The following PTPRC variants were observed in gnomAD, a reference collection of about 807,000 sequenced individuals.
The protein encoded by PTPRC is protein tyrosine phosphatase receptor type C.
Under a neutral mutation model 155.9 loss-of-function variants are expected in PTPRC, and 44 were observed. The observed-to-expected ratio is 0.28, with a 90% CI of 0.22 to 0.36. The LOEUF (loss-of-function observed/expected upper bound fraction) is 0.36, where lower values mean the gene tolerates loss of function less well. Ranked by LOEUF, PTPRC falls within the 10% of genes least tolerant of loss-of-function variation. The pLI is 1.00. For synonymous variants in PTPRC, 525 were observed against 533.1 expected (o/e 0.98, Z 0.21); for missense variants, 1,401 against 1,564.6 (o/e 0.90, Z 1.76).
At chr1:198,652,084 T>C (rs1310173874) in intron 2 of PTPRC, among the ~76,000 whole-genome samples, 1 of 151,870 alleles carries the variant, frequency 6.6e-6, no homozygotes, top group African/African-American at 2.4e-5. Flanking sequence ...TATGATATTT[T>C]GCTTAAGTTG....
intron 2 of PTPRC, among the ~76,000 whole-genome samples, chr1:198,685,178 ATAT>A (rs1665551370): frequency 6.6e-6 from 1 of 151,912 alleles, no homozygotes; most frequent in African/African-American, 2.4e-5. Flanking sequence ...TCCAAAAATA[ATAT>A]TAATATACCC....
intron 11 of PTPRC, among the ~76,000 whole-genome samples, chr1:198,712,052 T>A (rs1653338534): frequency 6.6e-6 from 1 of 152,222 alleles, no homozygotes; most frequent in African/African-American, 2.4e-5. Context: ...ACAAAGCAGA[T>A]GCATTCATAG....
intron 14 of PTPRC, among the ~76,000 whole-genome samples, chr1:198,719,920 T>A (rs927617388): frequency 6.6e-6 from 1 of 152,202 alleles, no homozygotes; most frequent in Non-Finnish European, 1.5e-5. Flanking sequence ...CCATATTCTT[T>A]ATCACTTAAA....
intron 2 of PTPRC, among the ~76,000 whole-genome samples, chr1:198,658,936 G>GTACT (rs1004238393): frequency 1.6e-4 from 24 of 152,174 alleles, no homozygotes; most frequent in Admixed American, 9.2e-4. Flanking sequence ...AACTGATACG[G>GTACT]TACTACCCTA....
At chr1:198,741,788 C>T (rs913749879) in intron 23 of PTPRC, 81 bp from the exon 24 acceptor site, 14 of 1,378,394 alleles carry the variant, frequency 1.0e-5, no homozygotes, top group African/African-American at 2.9e-5. Context: ...AGACTTTGTA[C>T]TGGTACTCCC....
intron 11 of PTPRC, among the ~76,000 whole-genome samples, chr1:198,711,877 C>T (rs1416021157): frequency 4.6e-5 from 7 of 152,180 alleles, no homozygotes; most frequent in Non-Finnish European, 1.0e-4. Flanking sequence ...TGCTCAGCAT[C>T]ATTAGTTAAC....
At chr1:198,737,362 G>A (rs1397351424) in intron 23 of PTPRC, among the ~76,000 whole-genome samples, 3 of 151,366 alleles carry the variant, frequency 2.0e-5, no homozygotes, top group African/African-American at 7.3e-5. Context: ...TTTATTTAAT[G>A]TTTGTATACA....
chr1:198,751,881 G>C (rs1363959504), intron 29 of PTPRC, among the ~76,000 whole-genome samples: 1 of 151,982 alleles, frequency 6.6e-6, no homozygotes, highest in Non-Finnish European at 1.5e-5. Context: ...GTTATTGAAA[G>C]GGTCATGAAT....
chr1:198,680,400 C>G (rs1227236731), intron 2 of PTPRC, among the ~76,000 whole-genome samples: 1 of 150,652 alleles, frequency 6.6e-6, no homozygotes, highest in Non-Finnish European at 1.5e-5. Flanking sequence ...TTGCAGTGAG[C>G]TGAGATAGTG....
rs1663894661 is a variant in PTPRC, at chr1:198,660,474, A to ATG, written c.73+21134_73+21135insGT. The ATG allele has an allele frequency of 6.7e-5, 6 of 89,614 alleles. No homozygotes were observed. The South Asian group carries it at 3.1e-3, about 46-fold the overall frequency. 5.6% of individuals were successfully genotyped at this position (89,614 alleles called of 1,614,324 possible). A position where few individuals can be genotyped will look rare whatever the true frequency, so the allele number is the denominator to read the frequency against. On this transcript the variant is annotated intron_variant, in intron 2 of 32. Transcript: ENST00000442510. ...ATGTAATTTACATAAACACACCCAA[A>ATG]TATATGTGTGTGTGTGTGTGTGTGT... is the stretch of plus-strand genomic sequence containing the variant.
chr1:198,701,835 C>T (rs1666476457), intron 5 of PTPRC, among the ~76,000 whole-genome samples: 1 of 152,176 alleles, frequency 6.6e-6, no homozygotes, highest in East Asian at 1.9e-4. Flanking sequence ...AAAAAGAAAA[C>T]CTTTGAGCTC....
intron 2 of PTPRC, among the ~76,000 whole-genome samples, chr1:198,659,636 A>G (rs10754251): frequency 0.69 from 103,917 of 150,996 alleles, 37,096 homozygotes; most frequent in East Asian, 0.88. Flanking sequence ...CCAGGTTCAA[A>G]GAATTCTCCT....
At chr1:198,697,573 A>G (rs1355344204) in intron 4 of PTPRC, among the ~76,000 whole-genome samples, 1 of 152,214 alleles carries the variant, frequency 6.6e-6, no homozygotes, top group African/African-American at 2.4e-5. Context: ...ATACTGATAT[A>G]TGTATATGCT....
Position 198,756,595 on chromosome 1 carries a change from TA to T in PTPRC, c.*419del, listed in dbSNP as rs3216177. 33,359 of 190,830 alleles carry T rather than the reference TA, an allele frequency of 0.17. 3,632 individuals carry two copies. The highest frequency in any genetic ancestry group is 0.29 in the African/African-American group (12,228 of 41,688). The allele number at this position is 190,830 out of a possible 1,614,324, so 11.8% of individuals were successfully genotyped here. ...TAACTTAGCTTGAAGGATCTGTTTT[TA>T]AAAATCATAAACTGTGTGCAGACTC... is the stretch of plus-strand genomic sequence containing the variant. On this transcript the variant is annotated 3_prime_UTR_variant, in exon 33 of 33. Coordinates refer to ENST00000442510, the MANE Select transcript of PTPRC (RefSeq NM_002838.5).
intron 13 of PTPRC, among the ~76,000 whole-genome samples, chr1:198,717,103 A>G (rs890515774): frequency 6.6e-6 from 1 of 152,244 alleles, no homozygotes; most frequent in Non-Finnish European, 1.5e-5. Context: ...AATTTCATGC[A>G]GTTAAGTACT....
At chr1:198,732,122 A>G (rs1281870504) in intron 18 of PTPRC, among the ~76,000 whole-genome samples, 178 bp from the exon 19 acceptor site, 1 of 151,864 alleles carries the variant, frequency 6.6e-6, no homozygotes, top group Non-Finnish European at 1.5e-5. Context: ...TTTGTAAGAA[A>G]AAAGTTTTTT....
chr1:198,671,337 A>G (rs1571810645), intron 2 of PTPRC, among the ~76,000 whole-genome samples: 1 of 152,120 alleles, frequency 6.6e-6, no homozygotes, highest in African/African-American at 2.4e-5. Flanking sequence ...AACGCTATTG[A>G]CAACTTCCTT....
chr1:198,722,860 A>C (rs1472793458), intron 15 of PTPRC, among the ~76,000 whole-genome samples: 3 of 151,730 alleles, frequency 2.0e-5, no homozygotes, highest in African/African-American at 7.3e-5. Flanking sequence ...CCTTAGATAC[A>C]AGTCTGTCTT....
chr1:198,642,945 T>G (rs1662706490), intron 2 of PTPRC, among the ~76,000 whole-genome samples: 1 of 150,316 alleles, frequency 6.7e-6, no homozygotes, highest in Admixed American at 6.7e-5. Flanking sequence ...TCTTTCTTTC[T>G]TTCTTTCTTT....
Sources: gnomAD v4.1 joint callset for allele counts (sites outside exome capture counted in the v4.1 genomes callset) on GRCh38, gnomAD v4.1.1 for gene constraint, MANE v1.5 for transcripts, NCBI Gene and HGNC (gene_info 2026-07-23, HGNC 2026-07-21) for gene names.